GSTA1: variants seen among roughly 807,000 people sequenced by gnomAD.
GSTA1 encodes the protein glutathione S-transferase alpha 1, also known as glutathione S-transferase A1.
Under a neutral mutation model 21.5 loss-of-function variants are expected in GSTA1, and 23 were observed. The observed-to-expected ratio is 1.07, with a 90% confidence interval of 0.77 to 1.52. The LOEUF (loss-of-function observed/expected upper bound fraction) is 1.52, where lower values mean the gene tolerates loss of function less well. Among genes scored for constraint, GSTA1 ranks in the 40% most tolerant of loss-of-function variants. GSTA1 has a pLI of 0.00. For missense variants in GSTA1, 301 were observed against 264.2 expected, an observed-to-expected ratio of 1.14 and a Z score of -0.96; for synonymous variants, 125 against 90.0, an observed-to-expected ratio of 1.39 and a Z score of -2.20.
intron 1 of GSTA1, among the ~76,000 whole-genome samples, chr6:52,801,498 G>A (rs1467128995): frequency 2.0e-5 from 3 of 152,186 alleles, no homozygotes; most frequent in African/African-American, 7.2e-5. Context: ...TCACAGTGTT[G>A]TAATTCCAAT....
chr6:52,799,256 C>A lies in GSTA1; in HGVS notation c.12G>T (p.Lys4Asn). 6.2e-7 allele frequency: 1 copy of A among 1,613,728 alleles called. No homozygotes were observed. The highest frequency in any genetic ancestry group is 8.5e-7 in the Non-Finnish European group (1 of 1,179,788). The change falls in exon 2 of 7, where the codon AAG (lysine) becomes AAT (asparagine). Residue 4 changes from lysine (K) to asparagine (N), a missense_variant. Coordinates refer to ENST00000334575, the MANE Select transcript of GSTA1 (RefSeq NM_145740.5). The part of the protein sequence containing the change: MAE[K>N]PKLHYFNARG... ...GTGCATTGAAGTAGTGGAGCTTGGG[C>A]TTCTCTGCCATGATAGCAGTCTCCT... is the stretch of plus-strand genomic sequence containing the variant.
At position 52,791,991 on chromosome 6, in the gene GSTA1, T is replaced by C. The variant is rs1428172839; in HGVS notation, c.547-11A>G. ...TCTGGTTTTCAGGGCCTGTAATTCATAAAGCACAGCCTCAGAGTGAAGCCA... is the reference window on the plus strand; with the variant it reads ...TCTGGTTTTCAGGGCCTGTAATTCACAAAGCACAGCCTCAGAGTGAAGCCA... On this transcript the variant is annotated splice_polypyrimidine_tract_variant and intron_variant, in intron 6 of 6. Transcript: ENST00000334575. The C allele has an allele frequency of 2.5e-6, 4 of 1,613,854 alleles. No homozygotes were observed. The highest frequency in any genetic ancestry group is 1.7e-5 in the Admixed American group (1 of 60,002).
chr6:52,793,942 G>T (rs1763515618), intron 5 of GSTA1, among the ~76,000 whole-genome samples, 183 bp downstream of exon 5: 1 of 152,134 alleles, frequency 6.6e-6, no homozygotes, highest in South Asian at 2.1e-4. Context: ...TATAGCTTGG[G>T]TATAAATGAT....
chr6:52,799,085 A>G lies in GSTA1; in HGVS notation c.87+96T>C. On this transcript the variant is annotated intron_variant, in intron 2 of 6. Coordinates refer to ENST00000334575, the MANE Select transcript of GSTA1 (RefSeq NM_145740.5). ...TACAGTCCATTTTTATTTAAGGCACAATGCTTCAGTAAGCAACATCTCATA... is the reference window on the plus strand; with the variant it reads ...TACAGTCCATTTTTATTTAAGGCACGATGCTTCAGTAAGCAACATCTCATA... 3 of 1,139,040 alleles carry G rather than the reference A, an allele frequency of 2.6e-6. No homozygotes were observed. The Admixed American group carries it at 5.5e-5, about 21-fold the overall frequency. The allele number at this position is 1,139,040 out of a possible 1,614,324, so 70.6% of individuals were successfully genotyped here.
At position 52,792,221 on chromosome 6, in the gene GSTA1, C is replaced by G. The variant is rs183454176; in HGVS notation, c.547-241G>C. Among the ~76,000 whole-genome samples, 31 of 152,218 alleles carry G rather than the reference C, an allele frequency of 2.0e-4. No individual in the cohort carries two copies. The East Asian group carries it at 5.4e-3, about 27-fold the overall frequency. ...CAGTTCAGTCATCTCTATCTTTCTC[C>G]TTACACACTAATCCTATAGATTAGT... On this transcript the variant is annotated intron_variant, in intron 6 of 6. Coordinates refer to ENST00000334575, the MANE Select transcript of GSTA1 (RefSeq NM_145740.5).
At chr6:52,795,958 G>T (rs1025952753) in intron 4 of GSTA1, among the ~76,000 whole-genome samples, 2 of 152,118 alleles carry the variant, frequency 1.3e-5, no homozygotes, top group African/African-American at 2.4e-5. Flanking sequence ...TGAGGTGCTG[G>T]ATCCATGGAC....
At position 52,791,919 on chromosome 6, in the gene GSTA1, G is replaced by T. The variant is rs199620755; in HGVS notation, c.608C>A (p.Pro203Gln). The part of the protein sequence containing the change: ...TVKKFLQPGS[P>Q]RKPPMDEKSL... ...TTTCTCATCCATGGGAGGCTTCCTT[G>T]GGCTGCCAGGCTGTAGAAACTTCTT... The change falls in exon 7 of 7, where the codon CCA becomes CAA. Residue 203 changes from proline (P) to glutamine (Q), a missense_variant. Transcript: ENST00000334575. The T allele has an allele frequency of 3.1e-5, 50 of 1,613,914 alleles. 1 individual carries two copies. The highest frequency in any genetic ancestry group is 4.1e-5 in the Non-Finnish European group (48 of 1,179,858).
At chr6:52,792,554 A>G (rs572149340) in intron 6 of GSTA1, among the ~76,000 whole-genome samples, 16 of 152,328 alleles carry the variant, frequency 1.1e-4, no homozygotes, top group Non-Finnish European at 1.9e-4. Flanking sequence ...AGGACATCAC[A>G]GAGAACTCAG....
intron 4 of GSTA1, 33 bp downstream of exon 4, chr6:52,796,149 T>C (rs1393896706): frequency 1.2e-6 from 2 of 1,611,668 alleles, no homozygotes; most frequent in African/African-American, 2.7e-5. Flanking sequence ...CTCTGTGTTC[T>C]CTGTGGATGG....
chr6:52,796,543 A>ATTTATATTTTTTT (rs1763594411), intron 3 of GSTA1, among the ~76,000 whole-genome samples: 1 of 23,772 alleles, frequency 4.2e-5, no homozygotes. Flanking sequence ...ATATATATAT[A>ATTTATATTTTTTT]TTTTTTTTTT....
intron 6 of GSTA1, 133 bp from the exon 7 acceptor site, chr6:52,792,113 A>T: frequency 7.9e-7 from 1 of 1,263,036 alleles, no homozygotes; most frequent in Non-Finnish European, 1.1e-6. Context: ...GGAGGCAGAA[A>T]CAGACACCCA....
At chr6:52,798,194 G>A (rs1177277970) in intron 2 of GSTA1, among the ~76,000 whole-genome samples, 2 of 152,146 alleles carry the variant, frequency 1.3e-5, no homozygotes, top group East Asian at 1.9e-4. Context: ...AGGCACAATA[G>A]GGTAAAATTC....
chr6:52,803,545 T>A (rs1345818445), intron 1 of GSTA1, among the ~76,000 whole-genome samples: 1 of 152,192 alleles, frequency 6.6e-6, no homozygotes, highest in Non-Finnish European at 1.5e-5. Flanking sequence ...TTGTTTCCCA[T>A]ACCATTAAAT....
chr6:52,798,810 G>C (rs913751567), intron 2 of GSTA1, among the ~76,000 whole-genome samples: 1 of 151,148 alleles, frequency 6.6e-6, no homozygotes. Flanking sequence ...CTATTCTAAA[G>C]ACAGCCATAG....
intron 4 of GSTA1, 107 bp from the exon 5 acceptor site, chr6:52,794,373 C>T: frequency 3.7e-6 from 4 of 1,091,798 alleles, no homozygotes; most frequent in Admixed American, 2.3e-5. Context: ...AATAATTCAC[C>T]TCCAGTGGGT....
chr6:52,796,238 G>A lies in GSTA1; in HGVS notation c.216C>T (p.Leu72=). The A allele has an allele frequency of 6.2e-7, 1 of 1,613,706 alleles. No individual in the cohort carries two copies. The highest frequency in any genetic ancestry group is 8.5e-7 in the Non-Finnish European group (1 of 1,179,920). Residue 72 remains leucine (L), a synonymous_variant, in exon 4 of 7, where the codon CTC becomes CTT. Transcript: ENST00000334575. ...GGTTGTATTTGCTGGCAATGTAGTTGAGAATGGCTCTGGTCTGCACCAGCT... is the reference window on the plus strand; with the variant it reads ...GGTTGTATTTGCTGGCAATGTAGTTAAGAATGGCTCTGGTCTGCACCAGCT... ...GMKLVQTRAI[L]NYIASKYNLY...
rs34109072 is a variant in GSTA1 at position 52,796,543 on chromosome 6, A to ATTTTTTTT, written c.140-237_140-230dup. Among the ~76,000 whole-genome samples, 62 of 23,738 alleles carry ATTTTTTTT rather than the reference A, an allele frequency of 2.6e-3. 2 individuals are homozygous for ATTTTTTTT. The highest frequency in any genetic ancestry group is 4.8e-3 in the Non-Finnish European group (45 of 9,370). 15.6% of individuals were successfully genotyped at this position (23,738 alleles called of 152,430 possible). A position where few individuals can be genotyped will look rare whatever the true frequency, so the allele number is the denominator to read the frequency against. On this transcript the variant is annotated intron_variant, in intron 3 of 6. Coordinates refer to ENST00000334575, the MANE Select transcript of GSTA1 (RefSeq NM_145740.5). ...TGTGTGTGTGTGTATATATATATAT[A>ATTTTTTTT]TTTTTTTTTTTTTTTTTTTTGGCAG...
rs1365772182 is a variant in GSTA1 at position 52,791,558 on chromosome 6, A to T, written c.*300T>A. On this transcript the variant is annotated 3_prime_UTR_variant, in exon 7 of 7. Transcript: ENST00000334575. ...ATGACAAATTGTATGTTACGGGACA[A>T]TTCTTGGAAAAGTCAAACAAACCAC... 1 of 314,108 alleles carries T rather than the reference A, an allele frequency of 3.2e-6. No individual in the cohort carries two copies. The highest frequency in any genetic ancestry group is 4.8e-5 in the Admixed American group (1 of 20,846). The allele number at this position is 314,108 out of a possible 1,614,324, so 19.5% of individuals were successfully genotyped here. A position where few individuals can be genotyped will look rare whatever the true frequency, so the allele number is the denominator to read the frequency against.
chr6:52,802,927 A>C (rs1350959028), intron 1 of GSTA1, among the ~76,000 whole-genome samples: 1 of 152,150 alleles, frequency 6.6e-6, no homozygotes, highest in Non-Finnish European at 1.5e-5. Context: ...GATTAACAGG[A>C]AATTTTCAGT....
Sources: gnomAD v4.1 joint callset for allele counts (sites outside exome capture counted in the v4.1 genomes callset) on GRCh38, gnomAD v4.1.1 for gene constraint, MANE v1.5 for transcripts, NCBI Gene and HGNC (gene_info 2026-07-23, HGNC 2026-07-21) for gene names.